The following RHEX variants were observed in gnomAD, a reference collection of about 807,000 sequenced individuals.
RHEX encodes regulator of hemoglobinization and erythroid cell expansion protein.
A neutral mutation model predicts 20.1 loss-of-function variants in RHEX; 18 were observed. The observed-to-expected ratio is 0.90, with a 90% CI of 0.62 to 1.33. The LOEUF is 1.33. Among genes scored for constraint, RHEX ranks in the 40% most tolerant of loss-of-function variants. The pLI is 0.00. For missense variants in RHEX, 192 were observed against 214.3 expected (o/e 0.90, Z 0.65); for synonymous variants, 87 against 77.1 (o/e 1.13, Z -0.67).
Position 206,101,988 on chromosome 1 carries a change from G to A in RHEX, c.*36G>A. 1 of 1,486,190 alleles carries A rather than the reference G, an allele frequency of 6.7e-7. No individual in the cohort carries two copies. Among genetic ancestry groups the A allele is most frequent in the South Asian group, 1.1e-5 (1 of 87,998 alleles). 92.1% of individuals were successfully genotyped at this position (1,486,190 alleles called of 1,614,324 possible). On this transcript the variant is annotated 3_prime_UTR_variant, in exon 6 of 6. Transcript: ENST00000331555. ...TTTTTAATGGGGTCCAGTTCTCTATGGATTCTTACATTTAATTTGTAGGGA... is the reference window on the plus strand; with the variant it reads ...TTTTTAATGGGGTCCAGTTCTCTATAGATTCTTACATTTAATTTGTAGGGA...
intron 1 of RHEX, among the ~76,000 whole-genome samples, chr1:206,096,826 A>T (rs1263534871): frequency 6.7e-6 from 1 of 148,716 alleles, no homozygotes; most frequent in Non-Finnish European, 1.5e-5. Context: ...CCAGGCTGGA[A>T]TGCAGTAGCA....
intron 3 of RHEX, 152 bp downstream of exon 3, chr1:206,098,333 C>G: frequency 3.2e-6 from 2 of 617,706 alleles, no homozygotes; most frequent in Non-Finnish European, 5.9e-6. Flanking sequence ...GCTCCCCCTC[C>G]CCCCAATAAC....
In RHEX at chr1:206,081,993, C is replaced by T. The variant is rs1340942077; in HGVS notation, c.-96-15740C>T. Among the ~76,000 whole-genome samples, 4 of 152,188 alleles carry T rather than the reference C, an allele frequency of 2.6e-5. No homozygotes were observed. In the East Asian group the frequency reaches 7.7e-4, roughly 29 times the overall value. Reference sequence around the variant, plus strand: ...TGACACTGGCAGGGCAAACCTAGAGCAGGTGGAGAGCCCAGTTAGGAAATC... The same window carrying T: ...TGACACTGGCAGGGCAAACCTAGAGTAGGTGGAGAGCCCAGTTAGGAAATC... On this transcript the variant is annotated intron_variant, in intron 1 of 5. Transcript: ENST00000331555.
At chr1:206,072,302 G>A (rs143564519) in intron 1 of RHEX, among the ~76,000 whole-genome samples, 52 of 152,284 alleles carry the variant, frequency 3.4e-4, no homozygotes, top group Non-Finnish European at 6.0e-4. Flanking sequence ...TGGGCCGGGC[G>A]CGGTTGTTCA....
chr1:206,053,599 A>C (rs1187334690), intron 1 of RHEX, among the ~76,000 whole-genome samples: 1 of 152,244 alleles, frequency 6.6e-6, no homozygotes, highest in African/African-American at 2.4e-5. Context: ...TATGTTAAAA[A>C]AAAATTCAAG....
chr1:206,085,265 C>T (rs988472717), intron 1 of RHEX, among the ~76,000 whole-genome samples: 3 of 152,100 alleles, frequency 2.0e-5, no homozygotes, highest in Admixed American at 6.5e-5. Flanking sequence ...CATCCCTATC[C>T]CTGCCGTGTT....
Position 206,099,717 on chromosome 1 carries a change from C to T in RHEX, c.175C>T (p.His59Tyr). ...SLQVPRPSPGHHHPPAVKEMK... is the reference protein window; with the variant it reads ...SLQVPRPSPGYHHPPAVKEMK... Reference sequence around the variant, plus strand: ...CCAGGTTCCCAGGCCCAGCCCTGGCCACCATCATCCACCTGCTGTCAAAGA... The same window carrying T: ...CCAGGTTCCCAGGCCCAGCCCTGGCTACCATCATCCACCTGCTGTCAAAGA... The change falls in exon 4 of 6, where the codon CAC becomes TAC. Residue 59 changes from histidine (H) to tyrosine (Y), a missense_variant. Physicochemically the swap from His to Tyr is moderately conservative, Grantham distance 83. Transcript: ENST00000331555. 1 of 1,613,888 alleles carries T rather than the reference C, an allele frequency of 6.2e-7. No individual in the cohort carries two copies. The highest frequency in any genetic ancestry group is 8.5e-7 in the Non-Finnish European group (1 of 1,179,760).
chr1:206,081,198 G>A (rs1160558297), intron 1 of RHEX, among the ~76,000 whole-genome samples: 1 of 152,182 alleles, frequency 6.6e-6, no homozygotes, highest in Admixed American at 6.5e-5. Flanking sequence ...CACGATGCAT[G>A]TATACACCAT....
intron 1 of RHEX, among the ~76,000 whole-genome samples, chr1:206,090,202 C>CTTTTTTTTTTTTT (rs59499927): frequency 1.3e-4 from 15 of 112,590 alleles, no homozygotes; most frequent in South Asian, 3.0e-4. Context: ...TCTTTTCTTT[C>CTTTTTTTTTTTTT]TTTTTTTTTT....
intron 1 of RHEX, among the ~76,000 whole-genome samples, chr1:206,063,399 GTCTCCC>G (rs1662344857): frequency 6.8e-6 from 1 of 148,066 alleles, no homozygotes; most frequent in Non-Finnish European, 1.5e-5. Context: ...TCTCCCCATG[GTCTCCC>G]TCTCCCTCTC....
intron 1 of RHEX, among the ~76,000 whole-genome samples, chr1:206,072,531 G>A (rs112182236): frequency 0.014 from 2,066 of 152,070 alleles, 42 homozygotes; most frequent in African/African-American, 0.047. Flanking sequence ...AGCCGAGATC[G>A]TGCCACTGCA....
At chr1:206,101,613 C>A in intron 5 of RHEX, 139 bp from the exon 6 acceptor site, 1 of 671,006 alleles carries the variant, frequency 1.5e-6, no homozygotes, top group African/African-American at 1.8e-5. Flanking sequence ...TGGACTGCTC[C>A]CAGACACAGC....
chr1:206,094,615 T>G (rs1182421960), intron 1 of RHEX, among the ~76,000 whole-genome samples: 1 of 152,218 alleles, frequency 6.6e-6, no homozygotes, highest in Non-Finnish European at 1.5e-5. Context: ...AGACACTGAA[T>G]TCAATAATTA....
At chr1:206,070,595 C>T (rs1270315214) in intron 1 of RHEX, among the ~76,000 whole-genome samples, 3 of 152,230 alleles carry the variant, frequency 2.0e-5, no homozygotes, top group Middle Eastern at 3.2e-3. Flanking sequence ...AATGTTTCTA[C>T]TGTACTGGGG....
intron 1 of RHEX, among the ~76,000 whole-genome samples, chr1:206,075,831 A>T (rs1432584153): frequency 6.6e-6 from 1 of 151,992 alleles, no homozygotes; most frequent in African/African-American, 2.4e-5. Context: ...TGAACTCCTG[A>T]CCTCAAGTGA....
At chr1:206,080,202 T>C (rs1174913153) in intron 1 of RHEX, 1 of 152,198 alleles carries the variant, frequency 6.6e-6, no homozygotes, top group African/African-American at 2.4e-5. Flanking sequence ...AAAAATATAT[T>C]AGGGTGATTG....
chr1:206,066,547 G>A (rs1388492805), intron 1 of RHEX, among the ~76,000 whole-genome samples: 3 of 152,184 alleles, frequency 2.0e-5, no homozygotes, highest in South Asian at 2.1e-4. Context: ...AACCTGGGAC[G>A]TCAAGTTTGC....
At chr1:206,076,149 C>T (rs1373162347) in intron 1 of RHEX, among the ~76,000 whole-genome samples, 1 of 151,518 alleles carries the variant, frequency 6.6e-6, no homozygotes, top group African/African-American at 2.4e-5. Flanking sequence ...CATGGATCAC[C>T]AGGGAGTCTT....
chr1:206,065,792 C>T (rs1421961294), intron 1 of RHEX, among the ~76,000 whole-genome samples: 1 of 152,190 alleles, frequency 6.6e-6, no homozygotes, highest in East Asian at 1.9e-4. Context: ...GCAGCTGCTT[C>T]CCCTGCACCC....
Sources: allele counts gnomAD v4.1 joint callset (sites outside exome capture counted in the v4.1 genomes callset), GRCh38; gene constraint gnomAD v4.1.1; transcripts MANE v1.5; gene names NCBI Gene and HGNC (gene_info 2026-07-23, HGNC 2026-07-21).